UNC5C: variants seen among roughly 807,000 people sequenced by gnomAD.
UNC5C encodes the protein unc-5 netrin receptor C.
A neutral mutation model predicts 99.8 loss-of-function variants in UNC5C; 47 were observed. The ratio of observed to expected loss-of-function variants is 0.47; its 90% CI spans 0.37 to 0.60. The LOEUF is 0.60. Ranked by LOEUF, UNC5C falls within the 20% of genes least tolerant of loss-of-function variation. The pLI is 0.00. For missense variants in UNC5C, 1,062 were observed against 1,165.9 expected (o/e 0.91, Z 1.30); for synonymous variants, 487 against 452.2 (o/e 1.08, Z -0.98).
intron 7 of UNC5C, among the ~76,000 whole-genome samples, chr4:95,237,623 T>C (rs1739168539): frequency 6.6e-6 from 1 of 152,162 alleles, no homozygotes; most frequent in Non-Finnish European, 1.5e-5. Flanking sequence ...AAGCCCATAA[T>C]AAAACTCTAT....
intron 1 of UNC5C, among the ~76,000 whole-genome samples, chr4:95,434,646 G>C (rs560240613): frequency 6.6e-6 from 1 of 152,220 alleles, no homozygotes; most frequent in African/African-American, 2.4e-5. Context: ...GAGAAAGAGA[G>C]CTAGTAATAA....
At chr4:95,212,228 A>G (rs1426159448) in intron 10 of UNC5C, among the ~76,000 whole-genome samples, 1 of 152,134 alleles carries the variant, frequency 6.6e-6, no homozygotes, top group Non-Finnish European at 1.5e-5. Flanking sequence ...GATTCCACCA[A>G]TTAAAAAAAA....
intron 1 of UNC5C, among the ~76,000 whole-genome samples, chr4:95,495,309 T>A (rs1410326250): frequency 1.3e-5 from 2 of 151,434 alleles, no homozygotes; most frequent in Non-Finnish European, 3.0e-5. Flanking sequence ...TTAAGACAAA[T>A]TGTACCCAGT....
At chr4:95,358,194 T>A (rs144417572) in intron 1 of UNC5C, among the ~76,000 whole-genome samples, 28 of 152,302 alleles carry the variant, frequency 1.8e-4, no homozygotes, top group African/African-American at 6.5e-4. Flanking sequence ...CAAAAAAGCA[T>A]CACAATCCTT....
intron 1 of UNC5C, among the ~76,000 whole-genome samples, chr4:95,437,357 T>C (rs2149462282): frequency 6.6e-6 from 1 of 152,024 alleles, no homozygotes; most frequent in Admixed American, 6.6e-5. Flanking sequence ...ATTCAAAAAG[T>C]ACACAAGATT....
rs187850900 is a variant in UNC5C, at chr4:95,269,351, T to C, written c.594+8908A>G. Reference sequence around the variant, plus strand: ...TTACCCCAGCTGGAGTGCAGTGGTGTGATGACGGCTCACTGCAGCTGTGGC... The same window carrying C: ...TTACCCCAGCTGGAGTGCAGTGGTGCGATGACGGCTCACTGCAGCTGTGGC... On this transcript the variant is annotated intron_variant, in intron 4 of 15. Transcript: ENST00000453304. 1.2e-4 allele frequency among the ~76,000 whole-genome samples: 19 copies of C among 152,294 alleles called. No homozygotes were observed. In the East Asian group the frequency reaches 3.5e-3, roughly 28 times the overall value.
At chr4:95,188,641 A>C (rs1736933188) in intron 12 of UNC5C, among the ~76,000 whole-genome samples, 2 of 152,272 alleles carry the variant, frequency 1.3e-5, no homozygotes, top group African/African-American at 4.8e-5. Context: ...AATTCTTCGC[A>C]CATGATCTCA....
intron 1 of UNC5C, among the ~76,000 whole-genome samples, chr4:95,405,935 C>T (rs1208397599): frequency 6.6e-6 from 1 of 152,146 alleles, no homozygotes; most frequent in East Asian, 1.9e-4. Context: ...AATCAACTGT[C>T]ATCAATAGGT....
At position 95,314,743 on chromosome 4, in the gene UNC5C, T is replaced by C. The variant is rs973433401; in HGVS notation, c.347-12994A>G. ...TTCAAGGCTCTTCACAAATCAGATG[T>C]CACTTTTCTGTGGTTTCAGTTTTAT... On this transcript the variant is annotated intron_variant, in intron 2 of 15. Transcript: ENST00000453304. 9.8e-5 allele frequency among the ~76,000 whole-genome samples: 15 copies of C among 152,334 alleles called. No homozygotes were observed. The East Asian group carries it at 2.7e-3, about 27-fold the overall frequency.
intron 14 of UNC5C, 30 bp from the exon 15 acceptor site, chr4:95,170,362 A>G: frequency 1.2e-6 from 2 of 1,606,558 alleles, no homozygotes; most frequent in Middle Eastern, 1.7e-4. Flanking sequence ...ACAACACAGC[A>G]TTATTTCTGA....
intron 12 of UNC5C, among the ~76,000 whole-genome samples, chr4:95,187,184 T>C (rs140406972): frequency 2.2e-4 from 34 of 152,264 alleles, no homozygotes; most frequent in African/African-American, 8.2e-4. Flanking sequence ...ATTCTAAAGC[T>C]AAAATGATGT....
intron 2 of UNC5C, among the ~76,000 whole-genome samples, chr4:95,322,398 A>G (rs1742725740): frequency 6.6e-6 from 1 of 152,206 alleles, no homozygotes; most frequent in African/African-American, 2.4e-5. Flanking sequence ...TAGGATGAGT[A>G]GCTATAATCT....
chr4:95,363,038 A>G (rs908539158), intron 1 of UNC5C, among the ~76,000 whole-genome samples: 1 of 152,148 alleles, frequency 6.6e-6, no homozygotes, highest in South Asian at 2.1e-4. Flanking sequence ...AGTTACACAC[A>G]CTCAGAAACC....
At chr4:95,342,784 A>C (rs1743625880) in intron 1 of UNC5C, among the ~76,000 whole-genome samples, 1 of 151,238 alleles carries the variant, frequency 6.6e-6, no homozygotes, top group Admixed American at 6.6e-5. Flanking sequence ...GCCCTGGGCC[A>C]AAGGGGGGCC....
intron 3 of UNC5C, among the ~76,000 whole-genome samples, chr4:95,295,257 G>C (rs1741632992): frequency 6.6e-6 from 1 of 152,124 alleles, no homozygotes; most frequent in East Asian, 1.9e-4. Flanking sequence ...TTACAGTAAG[G>C]GTTCTGCACA....
chr4:95,219,211 G>T lies in UNC5C; in HGVS notation c.1403C>A (p.Ser468Tyr). Residue 468 changes from serine (S) to tyrosine (Y), a missense_variant, in exon 9 of 16, where the codon TCT becomes TAT. This residue lies in a region of UNC5C where 810 missense variants were observed against 854.5 expected (regional missense o/e 0.95). Coordinates refer to ENST00000453304, the MANE Select transcript of UNC5C (RefSeq NM_003728.4). ...DVSDKIPMTN[S>Y]PILDPLPNLK... ...GTTGGGCAGTGGATCCAGAATTGGAGAGTTGGTCATTGGGATTTTGTCTGA... is the reference window on the plus strand; with the variant it reads ...GTTGGGCAGTGGATCCAGAATTGGATAGTTGGTCATTGGGATTTTGTCTGA... The T allele has an allele frequency of 6.2e-7, 1 of 1,614,186 alleles. No individual in the cohort carries two copies. Among genetic ancestry groups the T allele is most frequent in the Non-Finnish European group, 8.5e-7 (1 of 1,180,026 alleles).
chr4:95,301,074 C>T (rs779716335), intron 3 of UNC5C, among the ~76,000 whole-genome samples: 1 of 151,882 alleles, frequency 6.6e-6, no homozygotes, highest in Non-Finnish European at 1.5e-5. Flanking sequence ...ATATATACAC[C>T]TACTATGTAC....
chr4:95,289,215 T>C (rs1741355015), intron 3 of UNC5C, among the ~76,000 whole-genome samples: 1 of 152,198 alleles, frequency 6.6e-6, no homozygotes, highest in Non-Finnish European at 1.5e-5. Flanking sequence ...CTCCAGCCCC[T>C]AAATCAGCAT....
Position 95,239,441 on chromosome 4 carries a change from G to T in UNC5C, c.1108+2988C>A, listed in dbSNP as rs200545830. On this transcript the variant is annotated intron_variant, in intron 7 of 15. Coordinates refer to ENST00000453304, the MANE Select transcript of UNC5C (RefSeq NM_003728.4). ...ATTTGTGAGTTTCAGCTTTCTTTAG[G>T]GTTCTTATTTCCAAGTCTAGGTCTC... Among the ~76,000 whole-genome samples the T allele has an allele frequency of 1.5e-4, 23 of 152,068 alleles. No individual in the cohort carries two copies. The East Asian group carries it at 3.9e-3, about 26-fold the overall frequency.
Sources: gnomAD v4.1 joint callset for allele counts (sites outside exome capture counted in the v4.1 genomes callset) on GRCh38, gnomAD v4.1.1 for gene constraint, gnomAD v4.1.1 regional missense constraint, MANE v1.5 for transcripts, NCBI Gene and HGNC (gene_info 2026-07-23, HGNC 2026-07-21) for gene names.